Variants in KCNQ1OT1 observed in about 807,000 individuals in gnomAD.
KCNQ1OT1 encodes KCNQ1 antisense RNA 2 (non-protein coding).
At chr11:2,629,451 T>C (rs1340780243) in exon 1 of KCNQ1OT1, 2 of 398,410 alleles carry the variant, frequency 5.0e-6, no homozygotes, top group African/African-American at 4.1e-5. Context: ...TCTAAGAGTT[T>C]TATAGTTTTA....
exon 1 of KCNQ1OT1, chr11:2,614,733 ATGTCCATCCTTGT>A (rs1480232427): frequency 1.0e-5 from 4 of 398,288 alleles, no homozygotes; most frequent in Non-Finnish European, 1.8e-5. Flanking sequence ...ATTGGTCTAT[ATGTCCATCCTTGT>A]GTCCTAGAGA....
At chr11:2,636,580 G>A (rs1448779240) in exon 1 of KCNQ1OT1, 3 of 151,876 alleles carry the variant, frequency 2.0e-5, no homozygotes. Flanking sequence ...TGCTGGATTC[G>A]GTTTGCCAGT....
At chr11:2,631,281 CT>C (rs1439165156) in exon 1 of KCNQ1OT1, 1 of 398,336 alleles carries the variant, frequency 2.5e-6, no homozygotes, top group African/African-American at 2.1e-5. Flanking sequence ...CCTTTTCATT[CT>C]TTATTTTTCT....
chr11:2,684,330 GC>G, exon 1 of KCNQ1OT1: 1 of 398,642 alleles, frequency 2.5e-6, no homozygotes, highest in Non-Finnish European at 4.4e-6. Context: ...TCCTGAGGTG[GC>G]CCAGGTATGT....
chr11:2,659,925 A>G lies in KCNQ1OT1; in HGVS notation n.40070T>C, dbSNP rs540484323. On this transcript the variant is annotated non_coding_transcript_exon_variant, in exon 1 of 1. Transcript: ENST00000597346. This position sits in a 1 kb window ranked among gnomAD's most constrained non-coding sequence, Gnocchi z 4.3. ...TTGTCAAGTTGTAAGCATTCTTTAT[A>G]TATTCTGAGTGCAAGTCCTTGACCT... 2 of 398,378 alleles carry G rather than the reference A, an allele frequency of 5.0e-6. No individual in the cohort carries two copies. Among genetic ancestry groups the G allele is most frequent in the African/African-American group, 4.1e-5 (2 of 48,736 alleles). 24.7% of individuals were successfully genotyped at this position (398,378 alleles called of 1,614,324 possible).
Position 2,623,570 on chromosome 11 carries a change from AT to A in KCNQ1OT1, n.76424del. On this transcript the variant is annotated non_coding_transcript_exon_variant, in exon 1 of 1. Transcript: ENST00000597346. This position sits in a 1 kb window ranked among gnomAD's most constrained non-coding sequence, Gnocchi z 5.2. Reference sequence around the variant, plus strand: ...ATTTCACATAGTAATATGTTTTTTAATTACCTCCATATCTTTTCATGGCTTG... The same window carrying A: ...ATTTCACATAGTAATATGTTTTTTAATACCTCCATATCTTTTCATGGCTTG... 1 of 398,524 alleles carries A rather than the reference AT, an allele frequency of 2.5e-6. No homozygotes were observed. Among genetic ancestry groups the A allele is most frequent in the South Asian group, 1.3e-4 (1 of 7,856 alleles). 24.7% of individuals were successfully genotyped at this position (398,524 alleles called of 1,614,324 possible). A position where few individuals can be genotyped will look rare whatever the true frequency, so the allele number is the denominator to read the frequency against.
rs183160807 is a variant in KCNQ1OT1 at position 2,660,175 on chromosome 11, T to A, written n.39820A>T. ...TTCTTCAAGATATTTTATGGTTTTA[T>A]GTTTTATTTTAGATTTTTTTTCAGT... On this transcript the variant is annotated non_coding_transcript_exon_variant, in exon 1 of 1. Coordinates refer to ENST00000597346, the Ensembl canonical transcript of KCNQ1OT1. 1.3e-3 allele frequency: 534 copies of A among 398,244 alleles called. 2 individuals are homozygous for A. The highest frequency in any genetic ancestry group is 1.4e-3 in the Non-Finnish European group (311 of 225,974). 24.7% of individuals were successfully genotyped at this position (398,244 alleles called of 1,614,324 possible). A position where few individuals can be genotyped will look rare whatever the true frequency, so the allele number is the denominator to read the frequency against.
At chr11:2,660,152 C>T (rs912361150) in exon 1 of KCNQ1OT1, 20 of 398,138 alleles carry the variant, frequency 5.0e-5, no homozygotes, top group Middle Eastern at 6.2e-4. Flanking sequence ...CTTATGTTTT[C>T]TTCAAGATAT....
exon 1 of KCNQ1OT1, chr11:2,692,029 G>T: frequency 2.5e-6 from 1 of 398,556 alleles, no homozygotes. Context: ...CACCTGTGAG[G>T]CCCTGACCCC....
In KCNQ1OT1 at chr11:2,631,787, A is replaced by G. The variant is rs553065248; in HGVS notation, n.68208T>C. ...GCTGAGGTCAGCAGTGGCAAACATT[A>G]CAAAGGTCCTTGGTGGCCAAGGCTG... On this transcript the variant is annotated non_coding_transcript_exon_variant, in exon 1 of 1. Coordinates refer to ENST00000597346, the Ensembl canonical transcript of KCNQ1OT1. 7 of 398,686 alleles carry G rather than the reference A, an allele frequency of 1.8e-5. No homozygotes were observed. In the East Asian group the frequency reaches 2.5e-4, roughly 14 times the overall value. The allele number at this position is 398,686 out of a possible 1,614,324, so 24.7% of individuals were successfully genotyped here.
chr11:2,661,444 G>A lies in KCNQ1OT1; in HGVS notation n.38551C>T, dbSNP rs1435343147. The A allele has an allele frequency of 1.1e-5, 5 of 437,518 alleles. No homozygotes were observed. The highest frequency in any genetic ancestry group is 3.3e-5 in the East Asian group (1 of 30,428). The allele number at this position is 437,518 out of a possible 1,614,324, so 27.1% of individuals were successfully genotyped here. A position where few individuals can be genotyped will look rare whatever the true frequency, so the allele number is the denominator to read the frequency against. ...GGGTACAACTGGTTGATGTAGCATC[G>A]TGTTTTGAGGAAGGAGTTCTGTGGC... On this transcript the variant is annotated non_coding_transcript_exon_variant, in exon 1 of 1. Coordinates refer to ENST00000597346, the Ensembl canonical transcript of KCNQ1OT1. The surrounding 1 kb of genome is among the most constrained non-coding windows in gnomAD (Gnocchi z 5.9).
chr11:2,664,555 C>T lies in KCNQ1OT1; in HGVS notation n.35440G>A, dbSNP rs1850029123. On this transcript the variant is annotated non_coding_transcript_exon_variant, in exon 1 of 1. Coordinates refer to ENST00000597346, the Ensembl canonical transcript of KCNQ1OT1. This position sits in a 1 kb window ranked among gnomAD's most constrained non-coding sequence, Gnocchi z 5.1. The stretch of plus-strand genomic sequence containing the variant: ...CCGCCTGGCGGCAGGGGTGTGGGGG[C>T]CGTGCAGGTCTTCTGCCCGCATTGG... The T allele has an allele frequency of 5.0e-6, 2 of 398,664 alleles. No individual in the cohort carries two copies. The highest frequency in any genetic ancestry group is 8.8e-6 in the Non-Finnish European group (2 of 226,106). The allele number at this position is 398,664 out of a possible 1,614,324, so 24.7% of individuals were successfully genotyped here.
In KCNQ1OT1 at chr11:2,608,717, G is replaced by A. The variant is rs1449577991; in HGVS notation, n.91278C>T. The A allele has an allele frequency of 2.5e-6, 1 of 398,358 alleles. No individual in the cohort carries two copies. 24.7% of individuals were successfully genotyped at this position (398,358 alleles called of 1,614,324 possible). A position where few individuals can be genotyped will look rare whatever the true frequency, so the allele number is the denominator to read the frequency against. On this transcript the variant is annotated non_coding_transcript_exon_variant, in exon 1 of 1. Coordinates refer to ENST00000597346, the Ensembl canonical transcript of KCNQ1OT1. This position sits in a 1 kb window ranked among gnomAD's most constrained non-coding sequence, Gnocchi z 4.6. ...GGCCACAAGCAATTCTCGAACTCCTGGCCACAAGCAATTCTCCTGCCTTGG... is the reference window on the plus strand; with the variant it reads ...GGCCACAAGCAATTCTCGAACTCCTAGCCACAAGCAATTCTCCTGCCTTGG...
chr11:2,631,824 G>C, exon 1 of KCNQ1OT1: 1 of 398,588 alleles, frequency 2.5e-6, no homozygotes. Flanking sequence ...GTGTCCTGAT[G>C]CTGTCGTGTA....
Position 2,612,953 on chromosome 11 carries a change from G to C in KCNQ1OT1, n.87042C>G, listed in dbSNP as rs1344080761. The stretch of plus-strand genomic sequence containing the variant: ...TCTCTGCATGGATTCTGCAGAGTCT[G>C]TGTTCTCCTGCAGTGTGCAGCCACT... On this transcript the variant is annotated non_coding_transcript_exon_variant, in exon 1 of 1. Transcript: ENST00000597346. The surrounding 1 kb of genome is among the most constrained non-coding windows in gnomAD (Gnocchi z 5.5). 1 of 398,432 alleles carries C rather than the reference G, an allele frequency of 2.5e-6. No homozygotes were observed. Among genetic ancestry groups the C allele is most frequent in the African/African-American group, 2.1e-5 (1 of 48,616 alleles). 24.7% of individuals were successfully genotyped at this position (398,432 alleles called of 1,614,324 possible).
rs916107167 is a variant in KCNQ1OT1 at position 2,652,369 on chromosome 11, G to T, written n.47626C>A. On this transcript the variant is annotated non_coding_transcript_exon_variant, in exon 1 of 1. Transcript: ENST00000597346. This position sits in a 1 kb window ranked among gnomAD's most constrained non-coding sequence, Gnocchi z 5.9. The stretch of plus-strand genomic sequence containing the variant: ...CGCGATGTTGTGATGAAGGTGAAAA[G>T]ATCGCTCTTAATTAGATTAAAAACA... 5.0e-6 allele frequency: 2 copies of T among 398,514 alleles called. No homozygotes were observed. Among genetic ancestry groups the T allele is most frequent in the African/African-American group, 2.1e-5 (1 of 48,626 alleles). 24.7% of individuals were successfully genotyped at this position (398,514 alleles called of 1,614,324 possible). A position where few individuals can be genotyped will look rare whatever the true frequency, so the allele number is the denominator to read the frequency against.
rs920175249 is a variant in KCNQ1OT1 at position 2,642,088 on chromosome 11, T to G, written n.57907A>C. On this transcript the variant is annotated non_coding_transcript_exon_variant, in exon 1 of 1. Coordinates refer to ENST00000597346, the Ensembl canonical transcript of KCNQ1OT1. This position sits in a 1 kb window ranked among gnomAD's most constrained non-coding sequence, Gnocchi z 4.3. Reference sequence around the variant, plus strand: ...CAACTTTGTTATTTTTGCTCAGAATTGCTGTGGCTATTCCAGCTCTTTTTT... The same window carrying G: ...CAACTTTGTTATTTTTGCTCAGAATGGCTGTGGCTATTCCAGCTCTTTTTT... The G allele has an allele frequency of 2.5e-5, 10 of 398,392 alleles. No homozygotes were observed. The highest frequency in any genetic ancestry group is 1.8e-4 in the African/African-American group (9 of 48,650). The allele number at this position is 398,392 out of a possible 1,614,324, so 24.7% of individuals were successfully genotyped here.
chr11:2,612,159 A>G lies in KCNQ1OT1; in HGVS notation n.87836T>C. On this transcript the variant is annotated non_coding_transcript_exon_variant, in exon 1 of 1. Transcript: ENST00000597346. This position sits in a 1 kb window ranked among gnomAD's most constrained non-coding sequence, Gnocchi z 5.5. ...TCTGTGGCCTATTAGAAACTGGGCT[A>G]CACAGCAGGAGGTGAGCAGCAGGCA... is the stretch of plus-strand genomic sequence containing the variant. 2.5e-6 allele frequency: 1 copy of G among 398,646 alleles called. No homozygotes were observed. Among genetic ancestry groups the G allele is most frequent in the Admixed American group, 4.4e-5 (1 of 22,730 alleles). 24.7% of individuals were successfully genotyped at this position (398,646 alleles called of 1,614,324 possible). A position where few individuals can be genotyped will look rare whatever the true frequency, so the allele number is the denominator to read the frequency against.
Position 2,658,002 on chromosome 11 carries a change from C to A in KCNQ1OT1, n.41993G>T. On this transcript the variant is annotated non_coding_transcript_exon_variant, in exon 1 of 1. Coordinates refer to ENST00000597346, the Ensembl canonical transcript of KCNQ1OT1. The surrounding 1 kb of genome is among the most constrained non-coding windows in gnomAD (Gnocchi z 4.9). ...AGGCTCCTCCACTGTAAGTGAATAG[C>A]TGTTTTTCCCTTTCCATAGCTTAGT... 1 of 398,570 alleles carries A rather than the reference C, an allele frequency of 2.5e-6. No individual in the cohort carries two copies. The highest frequency in any genetic ancestry group is 4.4e-6 in the Non-Finnish European group (1 of 226,052). 24.7% of individuals were successfully genotyped at this position (398,570 alleles called of 1,614,324 possible).
Sources: allele counts gnomAD v4.1 joint callset, GRCh38; gene constraint gnomAD v4.1.1; non-coding constraint Gnocchi (gnomAD v3.1); transcripts MANE v1.5; gene names NCBI Gene and HGNC (gene_info 2026-07-23, HGNC 2026-07-21).